The following UBR2 variants were observed in gnomAD, a reference collection of about 807,000 sequenced individuals.
The protein encoded by UBR2 is E3 ubiquitin-protein ligase UBR2.
Under a neutral mutation model 247.9 loss-of-function variants are expected in UBR2, and 92 were observed. The observed-to-expected ratio is 0.37, with a 90% CI of 0.31 to 0.44. The LOEUF (loss-of-function observed/expected upper bound fraction) is 0.44, where lower values mean the gene tolerates loss of function less well. UBR2 is among the 20% of genes least tolerant of loss of function. The pLI is 1.00. For missense variants in UBR2, 1,613 were observed against 2,112.6 expected (o/e 0.76, Z 4.64); for synonymous variants, 672 against 693.5 (o/e 0.97, Z 0.49).
chr6:42,677,716 G>A (rs1798795320), intron 40 of UBR2, among the ~76,000 whole-genome samples: 1 of 152,184 alleles, frequency 6.6e-6, no homozygotes, highest in African/African-American at 2.4e-5. Context: ...GAAGGCTGCA[G>A]TGAGCCATCA....
chr6:42,582,207 C>T (rs957339710), intron 2 of UBR2, among the ~76,000 whole-genome samples: 12 of 145,850 alleles, frequency 8.2e-5, no homozygotes, highest in South Asian at 2.2e-4. Flanking sequence ...GACGTGAACC[C>T]GGGAGGTGGA....
At chr6:42,667,203 G>A (rs1264538513) in intron 34 of UBR2, among the ~76,000 whole-genome samples, 3 of 152,038 alleles carry the variant, frequency 2.0e-5, no homozygotes, top group Non-Finnish European at 4.4e-5. Flanking sequence ...AGGCGTGGTG[G>A]TGCACGCTTG....
At chr6:42,676,987 T>A in intron 40 of UBR2, 114 bp downstream of exon 40, 2 of 847,042 alleles carry the variant, frequency 2.4e-6, no homozygotes. Context: ...GACATGTTTT[T>A]AAAATAAGAC....
chr6:42,662,169 T>C lies in UBR2; in HGVS notation c.3443-15T>C, dbSNP rs761864314. On this transcript the variant is annotated splice_polypyrimidine_tract_variant and intron_variant, in intron 30 of 46. Coordinates refer to ENST00000372901, the MANE Select transcript of UBR2 (RefSeq NM_001363705.2). ...GCTTCACTTTTGTTTTGTTTTGTTT[T>C]GTTTTGTAATGCAGAAAAATATGAT... The C allele has an allele frequency of 1.3e-5, 20 of 1,534,440 alleles. No homozygotes were observed. The East Asian group carries it at 4.3e-4, about 33-fold the overall frequency.
At chr6:42,648,936 T>C (rs1236902074) in intron 22 of UBR2, among the ~76,000 whole-genome samples, 1 of 152,208 alleles carries the variant, frequency 6.6e-6, no homozygotes, top group African/African-American at 2.4e-5. Context: ...TATTTGTGTC[T>C]TTGGGGGGGC....
At chr6:42,683,224 G>C (rs1182493458) in intron 43 of UBR2, 113 bp downstream of exon 43, 15 of 803,228 alleles carry the variant, frequency 1.9e-5, no homozygotes, top group South Asian at 5.9e-5. Flanking sequence ...GATTCCAAAA[G>C]GTTAAGATAT....
chr6:42,640,400 G>T, intron 16 of UBR2, 130 bp downstream of exon 16: 2 of 397,884 alleles, frequency 5.0e-6, no homozygotes, highest in Non-Finnish European at 4.5e-6. Context: ...GTGTGTGTGT[G>T]TGTGTGTGTG....
intron 8 of UBR2, among the ~76,000 whole-genome samples, chr6:42,614,233 C>A (rs1174528311): frequency 1.0e-5 from 1 of 99,776 alleles, no homozygotes; most frequent in Non-Finnish European, 2.1e-5. Context: ...CACACACACA[C>A]ACACACACAC....
rs114291276 is a variant in UBR2 at position 42,628,283 on chromosome 6, A to G, written c.1282-4269A>G. On this transcript the variant is annotated intron_variant, in intron 11 of 46. Transcript: ENST00000372901. ...ATACTTTTATAGTTCTTTAAAAAAAAAACAAAACTCTGTTAATAATTATTA... is the reference window on the plus strand; with the variant it reads ...ATACTTTTATAGTTCTTTAAAAAAAGAACAAAACTCTGTTAATAATTATTA... Among the ~76,000 whole-genome samples, 692 of 152,322 alleles carry G rather than the reference A, an allele frequency of 4.5e-3. 2 individuals carry two copies. Among genetic ancestry groups the G allele is most frequent in the Middle Eastern group, 0.027 (8 of 294 alleles).
chr6:42,645,650 GTATC>G, intron 21 of UBR2, 60 bp downstream of exon 21: 1 of 1,548,898 alleles, frequency 6.5e-7, no homozygotes, highest in Non-Finnish European at 8.8e-7. Context: ...TATCAGTCTA[GTATC>G]TATAGATTTA....
At chr6:42,683,942 C>A (rs998109939) in intron 43 of UBR2, among the ~76,000 whole-genome samples, 1 of 152,158 alleles carries the variant, frequency 6.6e-6, no homozygotes, top group Non-Finnish European at 1.5e-5. Context: ...GTAAATACAT[C>A]GTCCATAAAA....
intron 3 of UBR2, among the ~76,000 whole-genome samples, chr6:42,593,150 G>C (rs1252320730): frequency 6.6e-6 from 1 of 151,996 alleles, no homozygotes; most frequent in Non-Finnish European, 1.5e-5. Context: ...CTCCAGCCTG[G>C]GCGACAGAGC....
chr6:42,637,058 G>T lies in UBR2; in HGVS notation c.1722G>T (p.Met574Ile). Residue 574 changes from methionine to isoleucine, a missense_variant, in exon 15 of 47, where the codon ATG (methionine) becomes ATT (isoleucine). Transcript: ENST00000372901. ...EAYKKCLAVL[M>I]QCHGGYTDGE... is the part of the protein sequence containing the mutation. ...ACAAGAAATGTCTCGCTGTACTGATGCAGTGTCATGGTGGTTATACTGATG... is the reference window on the plus strand; with the variant it reads ...ACAAGAAATGTCTCGCTGTACTGATTCAGTGTCATGGTGGTTATACTGATG... 6.2e-7 allele frequency: 1 copy of T among 1,613,914 alleles called. No homozygotes were observed. Among genetic ancestry groups the T allele is most frequent in the African/African-American group, 1.3e-5 (1 of 75,004 alleles).
At chr6:42,656,308 A>G (rs1442274245) in intron 26 of UBR2, among the ~76,000 whole-genome samples, 1 of 152,158 alleles carries the variant, frequency 6.6e-6, no homozygotes, top group African/African-American at 2.4e-5. Flanking sequence ...TTTTGTTTAG[A>G]GTTTTTTTAA....
rs200837255 is a variant in UBR2 at position 42,652,496 on chromosome 6, C to G, written c.2620C>G (p.Pro874Ala). Residue 874 changes from proline to alanine, a missense_variant, in exon 25 of 47, where the codon CCA becomes GCA. Pro to Ala is a conservative substitution (Grantham distance 27). Around this residue, in one of 3 missense-constraint regions of UBR2, gnomAD observed 1,524 missense variants for 1,967.3 expected, o/e 0.77. Transcript: ENST00000372901. ...KRQNREDTAL[P>A]PPVLPPFCPL... ...AATAACAACTGTATTTTCAGCACTCCCACCTCCGGTGTTGCCTCCATTCTG... is the reference window on the plus strand; with the variant it reads ...AATAACAACTGTATTTTCAGCACTCGCACCTCCGGTGTTGCCTCCATTCTG... 1.4e-4 allele frequency: 221 copies of G among 1,600,370 alleles called. 2 individuals are homozygous for G. The Middle Eastern group carries it at 2.5e-3, about 18-fold the overall frequency.
chr6:42,676,718 TC>T, intron 39 of UBR2, 64 bp from the exon 40 acceptor site: 1 of 1,235,912 alleles, frequency 8.1e-7, no homozygotes, highest in South Asian at 1.2e-5. Flanking sequence ...ATGCTTAATG[TC>T]TTCAGTCCTT....
intron 23 of UBR2, among the ~76,000 whole-genome samples, chr6:42,650,763 A>G (rs1236369763): frequency 1.3e-5 from 2 of 152,202 alleles, no homozygotes; most frequent in African/African-American, 4.8e-5. Context: ...TTTTGTACAT[A>G]TGTATATACG....
At chr6:42,625,870 G>A (rs980621653) in intron 11 of UBR2, among the ~76,000 whole-genome samples, 1 of 149,354 alleles carries the variant, frequency 6.7e-6, no homozygotes. Flanking sequence ...TTGGAGTGCA[G>A]TGGTGCGATC....
At chr6:42,619,533 G>T in intron 11 of UBR2, 1 of 224,108 alleles carries the variant, frequency 4.5e-6, no homozygotes, top group South Asian at 1.6e-4. Flanking sequence ...TGGATCACCT[G>T]AGCTTAGGAG....
Sources: gnomAD v4.1 joint callset for allele counts (sites outside exome capture counted in the v4.1 genomes callset) on GRCh38, gnomAD v4.1.1 for gene constraint, gnomAD v4.1.1 regional missense constraint, MANE v1.5 for transcripts, NCBI Gene and HGNC (gene_info 2026-07-23, HGNC 2026-07-21) for gene names.